Variants in CSMD1 observed in about 807,000 individuals in gnomAD.
CSMD1 encodes CUB and Sushi multiple domains 1.
A neutral mutation model predicts 417.5 loss-of-function variants in CSMD1; 213 were observed. The observed-to-expected ratio is 0.51, with a 90% CI of 0.46 to 0.57. The LOEUF (loss-of-function observed/expected upper bound fraction) is 0.57, where lower values mean the gene tolerates loss of function less well. Ranked by LOEUF, CSMD1 falls within the 20% of genes least tolerant of loss-of-function variation. The pLI is 0.00. For missense variants in CSMD1, 6,923 were observed against 4,529.7 expected, an observed-to-expected ratio of 1.53 and a Z score of -15.17; for synonymous variants, 2,862 against 1,736.8, an observed-to-expected ratio of 1.65 and a Z score of -16.11.
At chr8:4,952,967 G>C (rs1398465836) in intron 1 of CSMD1, among the ~76,000 whole-genome samples, 1 of 152,098 alleles carries the variant, frequency 6.6e-6, no homozygotes, top group South Asian at 2.1e-4. Context: ...AAAAGTAGAA[G>C]GCTGTTTTTA....
intron 18 of CSMD1, among the ~76,000 whole-genome samples, chr8:3,381,666 C>G (rs989235282): frequency 6.6e-6 from 1 of 152,090 alleles, no homozygotes; most frequent in Non-Finnish European, 1.5e-5. Flanking sequence ...AAAAATTATA[C>G]AGACACATGT....
chr8:4,007,852 G>A (rs551851900), intron 4 of CSMD1, among the ~76,000 whole-genome samples: 117 of 152,192 alleles, frequency 7.7e-4, no homozygotes, highest in Non-Finnish European at 3.8e-4. Context: ...AATAGAAGAA[G>A]AAAAGTTTAT....
At chr8:4,956,308 G>T (rs1226156235) in intron 1 of CSMD1, among the ~76,000 whole-genome samples, 5 of 151,318 alleles carry the variant, frequency 3.3e-5, no homozygotes, top group Non-Finnish European at 2.9e-5. Context: ...ACATTTAATA[G>T]CATATGAATA....
chr8:4,659,540 T>C (rs556103157), intron 1 of CSMD1, among the ~76,000 whole-genome samples: 1 of 152,216 alleles, frequency 6.6e-6, no homozygotes, highest in East Asian at 1.9e-4. Context: ...AGGCACAAAA[T>C]GTCACAGACA....
chr8:4,049,602 G>A (rs1798318118), intron 3 of CSMD1, among the ~76,000 whole-genome samples: 1 of 151,674 alleles, frequency 6.6e-6, no homozygotes, highest in Admixed American at 6.6e-5. Flanking sequence ...TTTTATTTAG[G>A]GTTTAATATT....
intron 7 of CSMD1, among the ~76,000 whole-genome samples, chr8:3,681,580 G>A (rs1488275751): frequency 1.3e-5 from 2 of 152,176 alleles, no homozygotes; most frequent in African/African-American, 2.4e-5. Context: ...CTTATGGATA[G>A]GAAGAGTAAA....
chr8:3,732,683 G>C (rs1000924960), intron 6 of CSMD1, among the ~76,000 whole-genome samples: 1 of 151,782 alleles, frequency 6.6e-6, no homozygotes, highest in African/African-American at 2.4e-5. Flanking sequence ...TTTTTTTTAA[G>C]ACAGAAAAAA....
chr8:4,333,518 T>C, intron 3 of CSMD1, among the ~76,000 whole-genome samples: 1 of 152,202 alleles, frequency 6.6e-6, no homozygotes, highest in East Asian at 1.9e-4. Context: ...TCTCATTTCA[T>C]AAAGTGCTTA....
chr8:4,834,312 C>A (rs1471552237), intron 1 of CSMD1, among the ~76,000 whole-genome samples: 1 of 151,964 alleles, frequency 6.6e-6, no homozygotes, highest in Non-Finnish European at 1.5e-5. Context: ...ATACTGGGAA[C>A]AGAAAAACAG....
chr8:3,202,100 G>A (rs573267863), intron 31 of CSMD1, among the ~76,000 whole-genome samples: 11 of 152,228 alleles, frequency 7.2e-5, no homozygotes, highest in Admixed American at 3.3e-4. Context: ...CCTGGAAGGC[G>A]AAGGTTGCAA....
At chr8:3,304,109 G>C (rs1043404162) in intron 25 of CSMD1, among the ~76,000 whole-genome samples, 5 of 151,992 alleles carry the variant, frequency 3.3e-5, no homozygotes, top group African/African-American at 1.2e-4. Context: ...TCCAAGATCC[G>C]GCTGTTTATT....
chr8:3,544,442 C>T (rs115220162), intron 10 of CSMD1, among the ~76,000 whole-genome samples: 4 of 152,072 alleles, frequency 2.6e-5, no homozygotes, highest in African/African-American at 9.6e-5. Context: ...CTTTCTCTTA[C>T]TCTCGGGAAC....
intron 3 of CSMD1, among the ~76,000 whole-genome samples, chr8:4,298,320 G>A (rs912672421): frequency 1.3e-5 from 2 of 152,058 alleles, no homozygotes; most frequent in Admixed American, 6.5e-5. Context: ...ATTCTCAGTT[G>A]TCCTTTCATT....
intron 1 of CSMD1, among the ~76,000 whole-genome samples, chr8:4,688,523 A>G (rs1806540599): frequency 6.6e-6 from 1 of 152,156 alleles, no homozygotes; most frequent in African/African-American, 2.4e-5. Flanking sequence ...TAGAATACCA[A>G]GGAAAATTCT....
At chr8:4,162,222 G>C (rs1797215213) in intron 3 of CSMD1, among the ~76,000 whole-genome samples, 1 of 152,118 alleles carries the variant, frequency 6.6e-6, no homozygotes, top group African/African-American at 2.4e-5. Context: ...TAATTGTTAT[G>C]TTACCAGTAT....
intron 22 of CSMD1, among the ~76,000 whole-genome samples, chr8:3,345,762 A>C (rs1807947466): frequency 6.6e-6 from 1 of 152,210 alleles, no homozygotes; most frequent in African/African-American, 2.4e-5. Flanking sequence ...TTAGCTGATG[A>C]TCACAGATTA....
chr8:3,592,906 G>A (rs370639367), intron 8 of CSMD1, among the ~76,000 whole-genome samples: 4 of 152,000 alleles, frequency 2.6e-5, no homozygotes, highest in African/African-American at 9.7e-5. Context: ...AAGAAATAAA[G>A]TCAAAGCCCA....
In CSMD1 at chr8:4,879,670, G is replaced by A. The variant is rs1178984814; in HGVS notation, c.85+114662C>T. ...AAAGTCTGAGATAAACTGGCCCATA[G>A]AAAGCAGGAGAATCGGGAGAGGTGG... On this transcript the variant is annotated intron_variant, in intron 1 of 69. Coordinates refer to ENST00000635120, the MANE Select transcript of CSMD1 (RefSeq NM_033225.6). Among the ~76,000 whole-genome samples the A allele has an allele frequency of 6.6e-5, 10 of 151,954 alleles. 1 individual carries two copies. The highest frequency in any genetic ancestry group is 2.4e-4 in the African/African-American group (10 of 41,292).
intron 1 of CSMD1, among the ~76,000 whole-genome samples, chr8:4,700,954 G>T (rs369822988): frequency 6.6e-6 from 1 of 152,084 alleles, no homozygotes; most frequent in Non-Finnish European, 1.5e-5. Context: ...AGTAACCTTC[G>T]GTCTCCTGCA....
Sources: gnomAD v4.1 joint callset for allele counts (sites outside exome capture counted in the v4.1 genomes callset) on GRCh38, gnomAD v4.1.1 for gene constraint, MANE v1.5 for transcripts, NCBI Gene and HGNC (gene_info 2026-07-23, HGNC 2026-07-21) for gene names.